Variants in GABRB1 observed in about 807,000 individuals in gnomAD.
The protein encoded by GABRB1 is gamma-aminobutyric acid type A receptor subunit beta1, also known as gamma-aminobutyric acid receptor subunit beta-1.
A neutral mutation model predicts 51.6 loss-of-function variants in GABRB1; 17 were observed. The observed-to-expected ratio is 0.33, with a 90% CI of 0.23 to 0.49. The LOEUF is 0.49. GABRB1 is among the 20% of genes least tolerant of loss of function. GABRB1 has a pLI of 0.99. For synonymous variants in GABRB1, 247 were observed against 218.9 expected (o/e 1.13, Z -1.14); for missense variants, 410 against 600.6 (o/e 0.68, Z 3.32).
At chr4:47,408,133 A>G (rs1437045370) in intron 8 of GABRB1, among the ~76,000 whole-genome samples, 13 of 152,218 alleles carry the variant, frequency 8.5e-5, no homozygotes. Flanking sequence ...AGTACTGAAC[A>G]AAAGAGTATT....
At chr4:47,391,503 T>G (rs975090927) in intron 5 of GABRB1, among the ~76,000 whole-genome samples, 1 of 152,220 alleles carries the variant, frequency 6.6e-6, no homozygotes, top group African/African-American at 2.4e-5. Context: ...TCACTGACTC[T>G]CAGCTAACTG....
rs750157260 is a variant in GABRB1, at chr4:47,031,774, CT to C, written c.80+50del. ...AATCTCGCTCTCTCTCTCTCTCTCT[CT>C]TTTTTTCTTGGTATGTTTCTTTTTA... On this transcript the variant is annotated intron_variant, in intron 1 of 8. Coordinates refer to ENST00000295454, the MANE Select transcript of GABRB1 (RefSeq NM_000812.4). 19 of 1,430,732 alleles carry C rather than the reference CT, an allele frequency of 1.3e-5. No homozygotes were observed. The Admixed American group carries it at 2.7e-4, about 21-fold the overall frequency. 88.6% of individuals were successfully genotyped at this position (1,430,732 alleles called of 1,614,324 possible).
At chr4:47,037,564 T>TG (rs1268252798) in intron 3 of GABRB1, among the ~76,000 whole-genome samples, 3 of 150,930 alleles carry the variant, frequency 2.0e-5, no homozygotes, top group Admixed American at 2.0e-4. Context: ...TTTGTTTTTT[T>TG]TTTTTACTCT....
chr4:47,100,330 G>A (rs1196574742), intron 3 of GABRB1, among the ~76,000 whole-genome samples: 1 of 152,016 alleles, frequency 6.6e-6, no homozygotes, highest in Admixed American at 6.6e-5. Context: ...TTTACTTCAG[G>A]AGGATCCCTG....
chr4:47,283,356 C>CT (rs570311247), intron 4 of GABRB1, among the ~76,000 whole-genome samples: 1 of 77,298 alleles, frequency 1.3e-5, no homozygotes, highest in Admixed American at 2.0e-4. Flanking sequence ...CTGGTGGCCC[C>CT]TTTTTTTTTT....
At chr4:47,194,504 T>A (rs1719568698) in intron 4 of GABRB1, among the ~76,000 whole-genome samples, 1 of 152,178 alleles carries the variant, frequency 6.6e-6, no homozygotes, top group South Asian at 2.1e-4. Flanking sequence ...GTTATTAAAT[T>A]TTTAGTCTTC....
chr4:47,051,229 G>T (rs575274496), intron 3 of GABRB1, among the ~76,000 whole-genome samples: 1 of 152,236 alleles, frequency 6.6e-6, no homozygotes, highest in South Asian at 2.1e-4. Context: ...GGAATAACTG[G>T]CCCTTTGTTT....
chr4:47,080,971 G>C (rs779344409), intron 3 of GABRB1, among the ~76,000 whole-genome samples: 1 of 152,166 alleles, frequency 6.6e-6, no homozygotes, highest in Non-Finnish European at 1.5e-5. Context: ...TGCAAGGCCA[G>C]TGAATCAGGT....
chr4:47,322,164 G>A (rs1725108182), intron 5 of GABRB1, among the ~76,000 whole-genome samples: 1 of 152,158 alleles, frequency 6.6e-6, no homozygotes, highest in African/African-American at 2.4e-5. Flanking sequence ...ATAGCCCAAA[G>A]TAATCATCAA....
chr4:47,345,839 G>T (rs1726068785), intron 5 of GABRB1, among the ~76,000 whole-genome samples: 1 of 152,114 alleles, frequency 6.6e-6, no homozygotes, highest in Non-Finnish European at 1.5e-5. Context: ...AGCTCCTTCT[G>T]CTGTGATTTA....
At chr4:47,262,809 A>G (rs929071977) in intron 4 of GABRB1, among the ~76,000 whole-genome samples, 4 of 152,066 alleles carry the variant, frequency 2.6e-5, no homozygotes, top group Non-Finnish European at 4.4e-5. Context: ...TCCAACAATG[A>G]TAGACTGGAT....
chr4:47,211,202 G>A (rs1480789330), intron 4 of GABRB1, among the ~76,000 whole-genome samples: 1 of 152,132 alleles, frequency 6.6e-6, no homozygotes, highest in African/African-American at 2.4e-5. Flanking sequence ...CCTAATATGA[G>A]TTTATGACAT....
intron 3 of GABRB1, among the ~76,000 whole-genome samples, chr4:47,041,730 A>G (rs931308158): frequency 5.3e-5 from 8 of 152,060 alleles, no homozygotes; most frequent in Non-Finnish European, 5.9e-5. Context: ...ATGATACACA[A>G]TTTTCTAGTC....
At chr4:47,078,063 C>T (rs1577887061) in intron 3 of GABRB1, among the ~76,000 whole-genome samples, 1 of 147,150 alleles carries the variant, frequency 6.8e-6, no homozygotes, top group East Asian at 2.0e-4. Context: ...GACCTTGGCT[C>T]ACCGCAACCT....
intron 3 of GABRB1, among the ~76,000 whole-genome samples, chr4:47,132,499 GT>G (rs1716470604): frequency 6.6e-6 from 1 of 151,632 alleles, no homozygotes; most frequent in African/African-American, 2.4e-5. Context: ...GATAGGATTT[GT>G]TTTTCCTTTT....
At chr4:47,129,062 A>C (rs888547943) in intron 3 of GABRB1, among the ~76,000 whole-genome samples, 5 of 152,138 alleles carry the variant, frequency 3.3e-5, no homozygotes, top group Admixed American at 3.3e-4. Context: ...GTACAAATCC[A>C]ACACAAAAGT....
chr4:47,018,046 TTCC>T (rs569008847), intron 1 of GABRB1, among the ~76,000 whole-genome samples: 201 of 152,070 alleles, frequency 1.3e-3, no homozygotes, highest in Non-Finnish European at 2.2e-3. Context: ...TGTCGTCATC[TTCC>T]TCCTCCTCCT....
Position 47,170,043 on chromosome 4 carries a change from T to A in GABRB1, c.461+8574T>A, listed in dbSNP as rs181554093. On this transcript the variant is annotated intron_variant, in intron 4 of 8. Transcript: ENST00000295454. ...TATACAATTTTTTTGGCTTTTCTAA[T>A]TCATACTAATGATTCTAAATTACAA... Among the ~76,000 whole-genome samples the A allele has an allele frequency of 2.6e-3, 392 of 152,262 alleles. 5 individuals carry two copies. Among genetic ancestry groups the A allele is most frequent in the Admixed American group, 0.024 (363 of 15,274 alleles).
At chr4:47,372,762 T>A (rs1727243225) in intron 5 of GABRB1, among the ~76,000 whole-genome samples, 1 of 152,336 alleles carries the variant, frequency 6.6e-6, no homozygotes, top group South Asian at 2.1e-4. Context: ...AGATGTTCTC[T>A]GTATGGCAGG....
Sources: allele counts gnomAD v4.1 joint callset (sites outside exome capture counted in the v4.1 genomes callset), GRCh38; gene constraint gnomAD v4.1.1; transcripts MANE v1.5; gene names NCBI Gene and HGNC (gene_info 2026-07-23, HGNC 2026-07-21).